Variants in CELSR1 observed in about 807,000 individuals in gnomAD.
CELSR1 encodes the protein cadherin EGF LAG seven-pass G-type receptor 1, also known as adhesion G protein-coupled receptor C1.
In CELSR1, 110 loss-of-function variants were observed where a neutral mutation model predicts 249.1. That is an observed-to-expected ratio of 0.44 (90% CI 0.38 to 0.52). The LOEUF is 0.52. CELSR1 is among the 20% of genes least tolerant of loss of function. The pLI, the probability that CELSR1 is intolerant of heterozygous loss-of-function variation, is 0.00. For missense variants in CELSR1, 4,109 were observed against 4,296.4 expected (o/e 0.96, Z 1.22); for synonymous variants, 2,113 against 1,900.0 (o/e 1.11, Z -2.92).
chr22:46,421,648 A>G (rs1287811789), intron 5 of CELSR1, among the ~76,000 whole-genome samples: 1 of 152,250 alleles, frequency 6.6e-6, no homozygotes, highest in Non-Finnish European at 1.5e-5. Flanking sequence ...AGAGCTCGCT[A>G]GCCACCTGAA....
At chr22:46,533,125 G>A (rs995869908) in intron 1 of CELSR1, among the ~76,000 whole-genome samples, 5 of 152,318 alleles carry the variant, frequency 3.3e-5, no homozygotes, top group Admixed American at 2.6e-4. Context: ...AGACAGAAAA[G>A]CCAGACCAAG....
chr22:46,497,365 T>C (rs2080423310), intron 1 of CELSR1, among the ~76,000 whole-genome samples: 1 of 152,262 alleles, frequency 6.6e-6, no homozygotes, highest in African/African-American at 2.4e-5. Flanking sequence ...TCTTACTGCA[T>C]TGACTAAGAC....
chr22:46,513,324 A>T (rs1459160433), intron 1 of CELSR1, among the ~76,000 whole-genome samples: 1 of 152,182 alleles, frequency 6.6e-6, no homozygotes, highest in East Asian at 1.9e-4. Context: ...TAAGTGTGCA[A>T]GAGGATTAAA....
At chr22:46,392,137 T>C (rs1485468474) in intron 14 of CELSR1, among the ~76,000 whole-genome samples, 1 of 152,280 alleles carries the variant, frequency 6.6e-6, no homozygotes, top group African/African-American at 2.4e-5. Context: ...CGTATGGGGA[T>C]AGCCCTTGGG....
chr22:46,391,896 TC>T lies in CELSR1; in HGVS notation c.5965-81del. 1 of 1,437,448 alleles carries T rather than the reference TC, an allele frequency of 7.0e-7. No individual in the cohort carries two copies. Among genetic ancestry groups the T allele is most frequent in the Non-Finnish European group, 9.4e-7 (1 of 1,063,082 alleles). The allele number at this position is 1,437,448 out of a possible 1,614,324, so 89.0% of individuals were successfully genotyped here. On this transcript the variant is annotated intron_variant, in intron 14 of 34. Coordinates refer to ENST00000674500, the MANE Select transcript of CELSR1 (RefSeq NM_001378328.1). This position sits in a 1 kb window ranked among gnomAD's most constrained non-coding sequence, Gnocchi z 4.3. ...CTTGCAGCGTGTTTCCCGAGCGACG[TC>T]CAGACTCCCACCCGGGTGTGTGTGT...
In CELSR1 at chr22:46,390,404, G is replaced by A. The variant is rs1479211937; in HGVS notation, c.6333C>T (p.Asp2111=). ...LFNCTTISFV[D]LRAMNEKLSR... ...GAGGCGCCCCTACCATGGCCCTGAGGTCCACGAAGGAGATGGTGGTACAGT... is the reference window on the plus strand; with the variant it reads ...GAGGCGCCCCTACCATGGCCCTGAGATCCACGAAGGAGATGGTGGTACAGT... Residue 2111 remains aspartate (D), a synonymous_variant, in exon 17 of 35, where the codon GAC becomes GAT. Coordinates refer to ENST00000674500, the MANE Select transcript of CELSR1 (RefSeq NM_001378328.1). This position sits in a 1 kb window ranked among gnomAD's most constrained non-coding sequence, Gnocchi z 6.3. 1.9e-6 allele frequency: 3 copies of A among 1,613,362 alleles called. No individual in the cohort carries two copies. Among genetic ancestry groups the A allele is most frequent in the African/African-American group, 1.3e-5 (1 of 75,042 alleles).
In CELSR1 at chr22:46,364,053, T is replaced by C; in HGVS notation, c.8978A>G (p.Asn2993Ser). The C allele has an allele frequency of 6.2e-7, 1 of 1,612,022 alleles. No individual in the cohort carries two copies. Among genetic ancestry groups the C allele is most frequent in the Non-Finnish European group, 8.5e-7 (1 of 1,179,576 alleles). The change falls in exon 34 of 35, where the codon AAC becomes AGC. Residue 2993 changes from asparagine (N) to serine (S), a missense_variant. Physicochemically the swap from Asn to Ser is conservative, Grantham distance 46. This residue lies in a region of CELSR1 where 1,805 missense variants were observed against 1,831.6 expected (regional missense o/e 0.99). Transcript: ENST00000674500. ...AGTGCGCACATTCATGGCCACCCCG[T>C]TGAGGTGGTCACGCCCCGGCTCCCT... Reference protein sequence around the residue: ...PGREPGRDHLNGVAMNVRTGS... With the variant: ...PGREPGRDHLSGVAMNVRTGS...
chr22:46,523,236 AG>A (rs2080703167), intron 1 of CELSR1, among the ~76,000 whole-genome samples: 1 of 152,236 alleles, frequency 6.6e-6, no homozygotes, highest in Non-Finnish European at 1.5e-5. Flanking sequence ...CTATTAAGAA[AG>A]AAAAATCTTA....
chr22:46,468,501 T>C lies in CELSR1; in HGVS notation c.3545-4156A>G, dbSNP rs2080121809. On this transcript the variant is annotated intron_variant, in intron 1 of 34. Transcript: ENST00000674500. This position sits in a 1 kb window ranked among gnomAD's most constrained non-coding sequence, Gnocchi z 4.5. The stretch of plus-strand genomic sequence containing the variant: ...TGTACCTTGAGGACGTGATGCTCAC[T>C]GCAATAAGCCGGTCACATGTGAGGC... 6.6e-6 allele frequency among the ~76,000 whole-genome samples: 1 copy of C among 152,194 alleles called. No individual in the cohort carries two copies. The highest frequency in any genetic ancestry group is 2.4e-5 in the African/African-American group (1 of 41,450).
At chr22:46,462,657 AAAAAAG>A (rs958501781) in intron 2 of CELSR1, 4 of 207,830 alleles carry the variant, frequency 1.9e-5, no homozygotes, top group Admixed American at 6.0e-5. Context: ...AAAAAAAAAA[AAAAAAG>A]ACAGACTATT....
intron 2 of CELSR1, among the ~76,000 whole-genome samples, chr22:46,459,272 C>T (rs904784499): frequency 6.6e-6 from 1 of 152,080 alleles, no homozygotes; most frequent in South Asian, 2.1e-4. Context: ...GATTCAAAAC[C>T]GAGTCCTAAG....
chr22:46,435,846 G>A (rs143827910), intron 4 of CELSR1, among the ~76,000 whole-genome samples: 2,353 of 152,094 alleles, frequency 0.015, 29 homozygotes, highest in Middle Eastern at 0.078. Context: ...GATTACAGGC[G>A]TGCACCACCA....
chr22:46,395,331 G>C lies in CELSR1; in HGVS notation c.5844-1069C>G, dbSNP rs1375706490. 6.6e-6 allele frequency among the ~76,000 whole-genome samples: 1 copy of C among 151,126 alleles called. No individual in the cohort carries two copies. The highest frequency in any genetic ancestry group is 6.6e-5 in the Admixed American group (1 of 15,182). ...CCTAAGACCAGGTCCTGCCACTTTA[G>C]TGCTGGGCCCCCACGGCCTCCACAC... On this transcript the variant is annotated intron_variant, in intron 13 of 34. Transcript: ENST00000674500. This position sits in a 1 kb window ranked among gnomAD's most constrained non-coding sequence, Gnocchi z 5.5.
intron 4 of CELSR1, among the ~76,000 whole-genome samples, chr22:46,435,169 C>T (rs1327171560): frequency 6.7e-6 from 1 of 148,498 alleles, no homozygotes; most frequent in East Asian, 2.0e-4. Context: ...CCAGGCTGGT[C>T]TTGAACTTCT....
chr22:46,533,370 C>T (rs1431249742), intron 1 of CELSR1, among the ~76,000 whole-genome samples: 2 of 152,250 alleles, frequency 1.3e-5, no homozygotes. Context: ...GGCGCTGATC[C>T]CCGGTCTTGA....
chr22:46,511,482 C>T (rs1467037295), intron 1 of CELSR1, among the ~76,000 whole-genome samples: 1 of 152,250 alleles, frequency 6.6e-6, no homozygotes, highest in African/African-American at 2.4e-5. Flanking sequence ...TGCTCTATTT[C>T]ATAACACGAT....
chr22:46,431,229 G>A (rs2079591831), intron 5 of CELSR1, among the ~76,000 whole-genome samples: 1 of 152,238 alleles, frequency 6.6e-6, no homozygotes. Context: ...CCCGGAAAGG[G>A]GCGGCCACAG....
rs1375117134 is a variant in CELSR1, at chr22:46,506,021, A to C, written c.3544+27606T>G. The stretch of plus-strand genomic sequence containing the variant: ...TGGTGAAACCCTGTCTCTACTAAAA[A>C]TACAAAAATTAGCAGGGCATGGTGG... On this transcript the variant is annotated intron_variant, in intron 1 of 34. Transcript: ENST00000674500. The surrounding 1 kb of genome is among the most constrained non-coding windows in gnomAD (Gnocchi z 4.1). 1.3e-5 allele frequency among the ~76,000 whole-genome samples: 2 copies of C among 151,890 alleles called. No individual in the cohort carries two copies. Among genetic ancestry groups the C allele is most frequent in the Non-Finnish European group, 2.9e-5 (2 of 67,966 alleles).
In CELSR1 at chr22:46,534,380, A is replaced by T. The variant is rs1412801637; in HGVS notation, c.2791T>A (p.Phe931Ile). Reference protein sequence around the residue: ...SGPNGRLLYTFQGGDDGDGDF... With the variant: ...SGPNGRLLYTIQGGDDGDGDF... ...CCATCGCCGTCGTCCCCACCCTGGAAGGTGTACAGCAGACGCCCATTGGGA... is the reference window on the plus strand; with the variant it reads ...CCATCGCCGTCGTCCCCACCCTGGATGGTGTACAGCAGACGCCCATTGGGA... Residue 931 changes from phenylalanine (F) to isoleucine (I), a missense_variant, in exon 1 of 35, where the codon TTC (phenylalanine) becomes ATC (isoleucine). Around this residue, in one of 7 missense-constraint regions of CELSR1, gnomAD observed 886 missense variants for 896.5 expected, o/e 0.99. Coordinates refer to ENST00000674500, the MANE Select transcript of CELSR1 (RefSeq NM_001378328.1). This position sits in a 1 kb window ranked among gnomAD's most constrained non-coding sequence, Gnocchi z 9.7. The T allele has an allele frequency of 2.5e-6, 4 of 1,612,758 alleles. No individual in the cohort carries two copies. The highest frequency in any genetic ancestry group is 1.7e-6 in the Non-Finnish European group (2 of 1,180,032).
Sources: allele counts gnomAD v4.1 joint callset (sites outside exome capture counted in the v4.1 genomes callset), GRCh38; gene constraint gnomAD v4.1.1; regional missense constraint gnomAD v4.1.1; non-coding constraint Gnocchi (gnomAD v3.1); transcripts MANE v1.5; gene names NCBI Gene and HGNC (gene_info 2026-07-23, HGNC 2026-07-21).